The following MAD1L1 variants were observed in gnomAD, a reference collection of about 807,000 sequenced individuals.
MAD1L1 encodes mitotic spindle assembly checkpoint protein MAD1.
Under a neutral mutation model 96.9 loss-of-function variants are expected in MAD1L1, and 95 were observed. The ratio of observed to expected loss-of-function variants is 0.98; its 90% CI spans 0.83 to 1.16. MAD1L1 has a LOEUF of 1.16. MAD1L1 is among the 50% of genes most tolerant of loss of function. The pLI, the probability that MAD1L1 is intolerant of heterozygous loss-of-function variation, is 0.00. For missense variants in MAD1L1, 1,007 were observed against 954.4 expected, an observed-to-expected ratio of 1.06 and a Z score of -0.73; for synonymous variants, 473 against 396.6, an observed-to-expected ratio of 1.19 and a Z score of -2.29.
At chr7:2,182,010 TG>T (rs1290179320) in intron 10 of MAD1L1, among the ~76,000 whole-genome samples, 2 of 152,262 alleles carry the variant, frequency 1.3e-5, no homozygotes, top group African/African-American at 4.8e-5. Flanking sequence ...AGGGATATAA[TG>T]GACTCTGGGG....
intron 17 of MAD1L1, among the ~76,000 whole-genome samples, chr7:1,924,706 T>A (rs1169530545): frequency 6.6e-6 from 1 of 152,118 alleles, no homozygotes; most frequent in Non-Finnish European, 1.5e-5. Context: ...AACTACTTTT[T>A]GCCTCTTATG....
rs532102990 is a variant in MAD1L1 at position 2,012,615 on chromosome 7, G to A, written c.1359+1887C>T. ...GGGAGGAAGGAGGATGGACAGAGGG[G>A]GCAGGGCATCAGAAGAACACACCAG... is the stretch of plus-strand genomic sequence containing the variant. On this transcript the variant is annotated intron_variant, in intron 13 of 18. Coordinates refer to ENST00000265854, the MANE Select transcript of MAD1L1 (RefSeq NM_001013836.2). Among the ~76,000 whole-genome samples, 4 of 152,330 alleles carry A rather than the reference G, an allele frequency of 2.6e-5. No individual in the cohort carries two copies. In the East Asian group the frequency reaches 7.7e-4, roughly 29 times the overall value.
intron 18 of MAD1L1, among the ~76,000 whole-genome samples, chr7:1,887,271 A>G (rs535142375): frequency 6.6e-6 from 1 of 152,072 alleles, no homozygotes; most frequent in Non-Finnish European, 1.5e-5. Flanking sequence ...GCATGTGTGC[A>G]TGCATGTGTG....
chr7:1,932,540 G>C (rs1369221182), intron 17 of MAD1L1, among the ~76,000 whole-genome samples: 1 of 152,272 alleles, frequency 6.6e-6, no homozygotes, highest in Non-Finnish European at 1.5e-5. Context: ...CACTCTGCTA[G>C]AAACTCGGAG....
intron 15 of MAD1L1, among the ~76,000 whole-genome samples, chr7:1,965,268 C>T (rs1019404307): frequency 1.3e-5 from 2 of 152,188 alleles, no homozygotes; most frequent in Non-Finnish European, 2.9e-5. Flanking sequence ...TGTCCTGACA[C>T]GGAGCACCTC....
chr7:2,230,412 G>A, intron 2 of MAD1L1, 137 bp downstream of exon 2: 1 of 364,318 alleles, frequency 2.7e-6, no homozygotes, highest in South Asian at 3.2e-5. Flanking sequence ...ATGGACAGCT[G>A]GCGCCCGGGA....
At chr7:2,210,871 TCGCA>T (rs1792904696) in intron 10 of MAD1L1, among the ~76,000 whole-genome samples, 6 of 144,892 alleles carry the variant, frequency 4.1e-5, no homozygotes, top group Non-Finnish European at 8.8e-5. Flanking sequence ...GAGAGGACGC[TCGCA>T]CCAGCCCCTC....
intron 10 of MAD1L1, among the ~76,000 whole-genome samples, chr7:2,169,145 G>T (rs547253248): frequency 6.6e-6 from 1 of 152,184 alleles, no homozygotes; most frequent in Non-Finnish European, 1.5e-5. Context: ...CTCCTGTGTG[G>T]CAGAAAGGAC....
At chr7:1,862,011 G>A (rs1461515249) in intron 18 of MAD1L1, among the ~76,000 whole-genome samples, 3 of 152,162 alleles carry the variant, frequency 2.0e-5, no homozygotes, top group East Asian at 1.9e-4. Flanking sequence ...TGCAGGGGAC[G>A]CAGAGTGACT....
chr7:1,932,320 G>A (rs112219845), intron 17 of MAD1L1, among the ~76,000 whole-genome samples: 1,733 of 151,906 alleles, frequency 0.011, 36 homozygotes, highest in African/African-American at 0.039. Flanking sequence ...CTGCTTCCGC[G>A]GCAGAAGCCC....
chr7:1,916,847 GCAC>G (rs1368717724), intron 17 of MAD1L1, among the ~76,000 whole-genome samples: 13 of 152,202 alleles, frequency 8.5e-5, no homozygotes, highest in African/African-American at 3.1e-4. Flanking sequence ...TGCCTACCAG[GCAC>G]GACCCTGGCG....
At chr7:1,834,440 G>T (rs1331367385) in intron 18 of MAD1L1, among the ~76,000 whole-genome samples, 2 of 152,088 alleles carry the variant, frequency 1.3e-5, no homozygotes, top group Admixed American at 6.5e-5. Flanking sequence ...GGAAGAAGAG[G>T]GATGATAGCA....
chr7:1,877,109 G>C (rs1190429112), intron 18 of MAD1L1, among the ~76,000 whole-genome samples: 1 of 151,500 alleles, frequency 6.6e-6, no homozygotes, highest in Non-Finnish European at 1.5e-5. Context: ...AAGAAAAAAT[G>C]GAAAAATACT....
intron 16 of MAD1L1, among the ~76,000 whole-genome samples, chr7:1,943,092 G>GC (rs1042813981): frequency 6.6e-6 from 1 of 152,144 alleles, no homozygotes; most frequent in African/African-American, 2.4e-5. Flanking sequence ...ATGAAGCTGG[G>GC]CCCCACCTCC....
At chr7:1,944,391 G>C (rs1779135098) in intron 16 of MAD1L1, among the ~76,000 whole-genome samples, 1 of 152,222 alleles carries the variant, frequency 6.6e-6, no homozygotes, top group African/African-American at 2.4e-5. Context: ...AGAGCTGTTA[G>C]AAATGGCGGG....
chr7:1,972,103 T>G (rs915037298), intron 15 of MAD1L1, among the ~76,000 whole-genome samples: 64 of 152,164 alleles, frequency 4.2e-4, no homozygotes, highest in African/African-American at 1.5e-3. Context: ...TCACAGACAC[T>G]TCCCTCCATG....
At chr7:2,106,841 G>GC (rs1787126426) in intron 11 of MAD1L1, among the ~76,000 whole-genome samples, 1 of 152,206 alleles carries the variant, frequency 6.6e-6, no homozygotes, top group South Asian at 2.1e-4. Flanking sequence ...TCACCCTTCA[G>GC]CCCCCAGGAG....
chr7:2,144,729 A>C (rs1789208387), intron 11 of MAD1L1, among the ~76,000 whole-genome samples: 1 of 152,008 alleles, frequency 6.6e-6, no homozygotes, highest in South Asian at 2.1e-4. Flanking sequence ...CCCTGTGTGA[A>C]GCGTGAGCAG....
chr7:1,860,958 G>A, intron 18 of MAD1L1, among the ~76,000 whole-genome samples: 1 of 152,306 alleles, frequency 6.6e-6, no homozygotes, highest in African/African-American at 2.4e-5. Flanking sequence ...GCCTGGAGGG[G>A]CTAGTCTATA....
Sources: allele counts gnomAD v4.1 joint callset (sites outside exome capture counted in the v4.1 genomes callset), GRCh38; gene constraint gnomAD v4.1.1; transcripts MANE v1.5; gene names NCBI Gene and HGNC (gene_info 2026-07-23, HGNC 2026-07-21).